The following AXIN2 variants were observed in gnomAD, a reference collection of about 807,000 sequenced individuals.
The protein encoded by AXIN2 is axin 2.
AXIN2 carries 21 observed loss-of-function variants against 74.7 expected under a neutral mutation model. The ratio of observed to expected loss-of-function variants is 0.28; its 90% CI spans 0.20 to 0.40. The LOEUF (loss-of-function observed/expected upper bound fraction) is 0.40, where lower values mean the gene tolerates loss of function less well. Ranked by LOEUF, AXIN2 falls within the 10% of genes least tolerant of loss-of-function variation. The pLI is 1.00. For synonymous variants in AXIN2, 532 were observed against 454.9 expected, an observed-to-expected ratio of 1.17 and a Z score of -2.16; for missense variants, 1,144 against 1,111.1, an observed-to-expected ratio of 1.03 and a Z score of -0.42.
rs2044376586 is a variant in AXIN2, at chr17:65,561,541, G to C, written c.-208C>G. 1 of 150,870 alleles carries C rather than the reference G, an allele frequency of 6.6e-6. No individual in the cohort carries two copies. Among genetic ancestry groups the C allele is most frequent in the South Asian group, 2.0e-4 (1 of 5,054 alleles). 9.3% of individuals were successfully genotyped at this position (150,870 alleles called of 1,614,324 possible). A position where few individuals can be genotyped will look rare whatever the true frequency, so the allele number is the denominator to read the frequency against. On this transcript the variant is annotated 5_prime_UTR_variant, in exon 1 of 11. Transcript: ENST00000307078. ...GGGTTATTTTTATTTCCCGGCTCTC[G>C]GGCTGTTACTGAGTTGCCAGGACCT...
chr17:65,534,108 T>C, intron 9 of AXIN2, 29 bp from the exon 10 acceptor site: 1 of 1,613,986 alleles, frequency 6.2e-7, no homozygotes, highest in Non-Finnish European at 8.5e-7. Context: ...GGAACAAGTT[T>C]AGCATTTTAA....
intron 3 of AXIN2, among the ~76,000 whole-genome samples, chr17:65,548,470 G>A (rs917583440): frequency 8.5e-5 from 13 of 152,144 alleles, no homozygotes; most frequent in African/African-American, 2.9e-4. Flanking sequence ...GAACTTACAC[G>A]GTTCAATGGG....
intron 2 of AXIN2, among the ~76,000 whole-genome samples, chr17:65,551,428 TAACTGG>T (rs1212607204): frequency 6.6e-6 from 1 of 152,064 alleles, no homozygotes; most frequent in African/African-American, 2.4e-5. Flanking sequence ...AGTCCTGTCT[TAACTGG>T]ATGGGGAGGG....
chr17:65,549,695 A>T (rs759267295), intron 2 of AXIN2, 35 bp from the exon 3 acceptor site: 16 of 1,573,538 alleles, frequency 1.0e-5, no homozygotes, highest in Non-Finnish European at 1.4e-5. Context: ...TCAGTCACTG[A>T]CCCTCACCAG....
chr17:65,558,146 C>G lies in AXIN2; in HGVS notation c.475G>C (p.Asp159His), dbSNP rs753036084. 2.5e-6 allele frequency: 4 copies of G among 1,614,176 alleles called. No individual in the cohort carries two copies. The highest frequency in any genetic ancestry group is 3.4e-6 in the Non-Finnish European group (4 of 1,180,052). The change falls in exon 2 of 11, where the codon GAT becomes CAT. Residue 159 changes from aspartate to histidine, a missense_variant. Asp to His is a moderately conservative substitution (Grantham distance 81). Transcript: ENST00000307078. ...LKPATKTYIR[D>H]GIKKQQIDSI... Reference sequence around the variant, plus strand: ...TCAATCTGCTGCTTCTTGATGCCATCTCTTATGTAGGTCTTGGTGGCAGGC... The same window carrying G: ...TCAATCTGCTGCTTCTTGATGCCATGTCTTATGTAGGTCTTGGTGGCAGGC...
chr17:65,547,556 C>G (rs2044134773), intron 3 of AXIN2, among the ~76,000 whole-genome samples: 1 of 152,118 alleles, frequency 6.6e-6, no homozygotes, highest in East Asian at 1.9e-4. Context: ...CATCATGAAC[C>G]CAGAATAACA....
chr17:65,552,756 C>T (rs760752083), intron 2 of AXIN2, among the ~76,000 whole-genome samples: 28 of 152,162 alleles, frequency 1.8e-4, no homozygotes, highest in Non-Finnish European at 3.4e-4. Flanking sequence ...CAGCCAGGCA[C>T]GGTGACCCAC....
chr17:65,545,033 T>C (rs910499639), intron 3 of AXIN2, among the ~76,000 whole-genome samples: 1 of 152,112 alleles, frequency 6.6e-6, no homozygotes, highest in African/African-American at 2.4e-5. Flanking sequence ...CCCCCATAAA[T>C]AAGATATAAA....
At chr17:65,543,861 C>T (rs2044077819) in intron 3 of AXIN2, among the ~76,000 whole-genome samples, 1 of 152,184 alleles carries the variant, frequency 6.6e-6, no homozygotes, top group Admixed American at 6.5e-5. Flanking sequence ...CTATGGGGCT[C>T]GCCAGGTGGT....
At chr17:65,540,880 TTTTC>T (rs56300806) in intron 4 of AXIN2, among the ~76,000 whole-genome samples, 81,284 of 151,560 alleles carry the variant, frequency 0.54, 24,003 homozygotes, top group Non-Finnish European at 0.67. Context: ...AATAAACCTC[TTTTC>T]TTTGTTTTTT....
intron 1 of AXIN2, chr17:65,560,723 G>C (rs1201869395): frequency 1.3e-5 from 2 of 151,608 alleles, no homozygotes; most frequent in Non-Finnish European, 2.9e-5. Context: ...CCTCCGCGCC[G>C]GCCCCTAGCG....
intron 2 of AXIN2, among the ~76,000 whole-genome samples, chr17:65,555,713 G>A (rs1380326143): frequency 6.6e-6 from 1 of 152,116 alleles, no homozygotes; most frequent in African/African-American, 2.4e-5. Context: ...CAACACCCAA[G>A]CAGTAAGTGG....
At chr17:65,534,109 A>C in intron 9 of AXIN2, 30 bp from the exon 10 acceptor site, 1 of 1,613,660 alleles carries the variant, frequency 6.2e-7, no homozygotes, top group Non-Finnish European at 8.5e-7. Context: ...GAACAAGTTT[A>C]GCATTTTAAA....
intron 9 of AXIN2, among the ~76,000 whole-genome samples, chr17:65,535,129 A>C (rs1344502400): frequency 6.6e-6 from 1 of 152,208 alleles, no homozygotes; most frequent in Non-Finnish European, 1.5e-5. Flanking sequence ...TTTTAATTGC[A>C]CCATCCAGTA....
rs775428814 is a variant in AXIN2, at chr17:65,538,667, C to CAAAAAAAAAAAAAAAAAAAAA, written c.1060-345_1060-325dup. 1.6e-3 allele frequency among the ~76,000 whole-genome samples: 59 copies of CAAAAAAAAAAAAAAAAAAAAA among 35,828 alleles called. 29 individuals carry two copies. The highest frequency in any genetic ancestry group is 4.2e-3 in the East Asian group (4 of 944). The allele number at this position is 35,828 out of a possible 152,430, so 23.5% of individuals were successfully genotyped here. On this transcript the variant is annotated intron_variant, in intron 4 of 10. Transcript: ENST00000307078. ...ATCTTCAAAGACTGTTGTCAACCAT[C>CAAAAAAAAAAAAAAAAAAAAA]AAAAAAAAAAAAAAAAAAAAAAAAA...
In AXIN2 at chr17:65,536,568, A is replaced by C. The variant is rs576277859; in HGVS notation, c.1908-15T>G. 1.2e-6 allele frequency: 2 copies of C among 1,613,092 alleles called. No homozygotes were observed. Among genetic ancestry groups the C allele is most frequent in the East Asian group, 2.2e-5 (1 of 44,872 alleles). On this transcript the variant is annotated splice_polypyrimidine_tract_variant and intron_variant, in intron 7 of 10. Coordinates refer to ENST00000307078, the MANE Select transcript of AXIN2 (RefSeq NM_004655.4). ...TGCTTTGGGCACTAAACAAGGAATG[A>C]GCAGAGAGAAAACAGAAGGAAAGAA...
intron 2 of AXIN2, among the ~76,000 whole-genome samples, chr17:65,553,207 A>T (rs142019939): frequency 6.6e-6 from 1 of 152,274 alleles, no homozygotes; most frequent in African/African-American, 2.4e-5. Context: ...CCTCACACGA[A>T]TCTCCGACGC....
intron 3 of AXIN2, among the ~76,000 whole-genome samples, chr17:65,547,893 T>C (rs921105498): frequency 2.6e-5 from 4 of 152,204 alleles, no homozygotes; most frequent in South Asian, 2.1e-4. Context: ...TGCACCCTCA[T>C]TGCCTATGAG....
intron 4 of AXIN2, among the ~76,000 whole-genome samples, chr17:65,540,891 TTTTC>T (rs1417565242): frequency 2.0e-5 from 3 of 151,482 alleles, no homozygotes; most frequent in Non-Finnish European, 4.4e-5. Context: ...TTTCTTTGTT[TTTTC>T]TTTTGAGAAG....
Sources: gnomAD v4.1 joint callset for allele counts (sites outside exome capture counted in the v4.1 genomes callset) on GRCh38, gnomAD v4.1.1 for gene constraint, MANE v1.5 for transcripts, NCBI Gene and HGNC (gene_info 2026-07-23, HGNC 2026-07-21) for gene names.